ZNF883: variants seen among roughly 807,000 people sequenced by gnomAD.
ZNF883 encodes the protein zinc finger protein 883.
rs10981589 is a variant in ZNF883 at position 112,997,239 on chromosome 9, G to C, written n.1021C>G. The stretch of plus-strand genomic sequence containing the variant: ...TAGGGTCTCTCCCTTGTATGTATTC[G>C]CTTATGTTTAGTTAGAGCTGAGCTT... On this transcript the variant is annotated non_coding_transcript_exon_variant, in exon 1 of 1. Coordinates refer to ENST00000639662, the Ensembl canonical transcript of ZNF883. 3.2e-4 allele frequency: 522 copies of C among 1,613,986 alleles called. 1 individual carries two copies. The highest frequency in any genetic ancestry group is 4.1e-4 in the Non-Finnish European group (483 of 1,179,912).
At chr9:113,007,410 C>T (rs1828489129) in intron 2 of ZNF883, among the ~76,000 whole-genome samples, 1 of 152,142 alleles carries the variant, frequency 6.6e-6, no homozygotes, top group South Asian at 2.1e-4. Flanking sequence ...TGACTAACTC[C>T]CCAAAATATG....
chr9:112,993,887 C>T (rs947613514), downstream of ZNF883, among the ~76,000 whole-genome samples: 1 of 152,020 alleles, frequency 6.6e-6, no homozygotes, highest in Non-Finnish European at 1.5e-5. Context: ...TCCAAACTAC[C>T]CAGTCTCCCC....
chr9:113,005,232 TAA>T (rs1394706423), intron 2 of ZNF883, among the ~76,000 whole-genome samples: 1 of 151,990 alleles, frequency 6.6e-6, no homozygotes, highest in African/African-American at 2.4e-5. Context: ...TCAACTAAAT[TAA>T]AAGACAAAAG....
At chr9:112,989,479 A>G (rs148195031) in intron 1 of ZNF883, among the ~76,000 whole-genome samples, 404 of 152,212 alleles carry the variant, frequency 2.7e-3, no homozygotes, top group African/African-American at 8.7e-3. Flanking sequence ...CCATTGGTCT[A>G]TGTGTCGTTT....
chr9:112,990,271 A>C (rs1000277732), intron 1 of ZNF883, among the ~76,000 whole-genome samples: 1 of 152,106 alleles, frequency 6.6e-6, no homozygotes, highest in South Asian at 2.1e-4. Flanking sequence ...GGCTCTTACT[A>C]TTTTGAGATA....
upstream of ZNF883, among the ~76,000 whole-genome samples, chr9:112,999,407 T>C (rs560956609): frequency 1.3e-5 from 2 of 152,258 alleles, no homozygotes; most frequent in East Asian, 3.9e-4. Flanking sequence ...TGACCAATTC[T>C]CCAACTCTCT....
At chr9:113,007,927 AAAAG>A (rs1828494347) in intron 2 of ZNF883, among the ~76,000 whole-genome samples, 1 of 151,928 alleles carries the variant, frequency 6.6e-6, no homozygotes, top group South Asian at 2.1e-4. Context: ...TCTGAAAAGA[AAAAG>A]AAGGAAAAGG....
intron 2 of ZNF883, among the ~76,000 whole-genome samples, chr9:113,005,380 C>T (rs1828464341): frequency 6.6e-6 from 1 of 152,024 alleles, no homozygotes; most frequent in Non-Finnish European, 1.5e-5. Context: ...ATAGGAAATT[C>T]ACAAAAGAAA....
At chr9:113,000,220 T>C (rs1010941228), upstream of ZNF883, among the ~76,000 whole-genome samples, 25 of 152,106 alleles carry the variant, frequency 1.6e-4, no homozygotes, top group African/African-American at 6.0e-4. Context: ...GTAAAATAAA[T>C]GTTGTGAATA....
At chr9:112,990,627 TA>T (rs1201978757) in intron 1 of ZNF883, among the ~76,000 whole-genome samples, 2 of 152,210 alleles carry the variant, frequency 1.3e-5, no homozygotes, top group Admixed American at 1.3e-4. Context: ...GCTGGCCTCA[TA>T]AAATGAGTTA....
At chr9:113,009,811 A>G (rs1287972340) in intron 2 of ZNF883, among the ~76,000 whole-genome samples, 8 of 151,790 alleles carry the variant, frequency 5.3e-5, no homozygotes, top group African/African-American at 1.9e-4. Context: ...CCCGGCCCAT[A>G]TTCTCATTTT....
chr9:112,999,416 C>T (rs1828400086), upstream of ZNF883, among the ~76,000 whole-genome samples: 2 of 152,126 alleles, frequency 1.3e-5, no homozygotes, highest in Non-Finnish European at 2.9e-5. Context: ...CTCCAACTCT[C>T]TGGACACCAA....
At chr9:112,998,164 C>T in exon 1 of ZNF883, 2 of 1,613,860 alleles carry the variant, frequency 1.2e-6, no homozygotes, top group East Asian at 4.5e-5. Flanking sequence ...TATGTGTTTT[C>T]TGATGCTGGG....
At position 112,997,182 on chromosome 9, in the gene ZNF883, G is replaced by T. The variant is rs769398886; in HGVS notation, n.1078C>A. On this transcript the variant is annotated non_coding_transcript_exon_variant, in exon 1 of 1. Coordinates refer to ENST00000639662, the Ensembl canonical transcript of ZNF883. ...TGATGTCGAATTAAGGATGTACTAT[G>T]ACAAAAGACATCACCACACTTAGTA... 2.5e-6 allele frequency: 4 copies of T among 1,613,298 alleles called. No homozygotes were observed. In the South Asian group the frequency reaches 4.4e-5, roughly 18 times the overall value.
chr9:112,988,208 A>T (rs1302060442), intron 1 of ZNF883, among the ~76,000 whole-genome samples: 5 of 152,126 alleles, frequency 3.3e-5, no homozygotes, highest in African/African-American at 1.2e-4. Flanking sequence ...ACATAAGTAA[A>T]CATGTGCCAT....
At chr9:113,005,943 T>C (rs1291586075) in intron 2 of ZNF883, among the ~76,000 whole-genome samples, 4 of 151,976 alleles carry the variant, frequency 2.6e-5, no homozygotes, top group African/African-American at 2.4e-5. Flanking sequence ...GTATCTGAGA[T>C]AGGAATTCAG....
chr9:113,000,219 A>G (rs1404631280), upstream of ZNF883, among the ~76,000 whole-genome samples: 1 of 152,214 alleles, frequency 6.6e-6, no homozygotes, highest in Non-Finnish European at 1.5e-5. Context: ...AGTAAAATAA[A>G]TGTTGTGAAT....
chr9:112,998,471 T>C (rs943628161), upstream of ZNF883: 12 of 379,858 alleles, frequency 3.2e-5, no homozygotes, highest in African/African-American at 2.5e-4. Context: ...ATTGATGTCA[T>C]AGTTACAGTA....
chr9:112,998,142 G>T (rs1349684020), exon 1 of ZNF883: 1 of 1,613,866 alleles, frequency 6.2e-7, no homozygotes, highest in Non-Finnish European at 8.5e-7. Flanking sequence ...CATTCATAAG[G>T]TTTTTCTCCA....
Sources: allele counts gnomAD v4.1 joint callset (sites outside exome capture counted in the v4.1 genomes callset), GRCh38; gene constraint gnomAD v4.1.1; transcripts MANE v1.5; gene names NCBI Gene and HGNC (gene_info 2026-07-23, HGNC 2026-07-21).